Variants in MKX observed in about 807,000 individuals in gnomAD.
MKX encodes homeobox protein Mohawk.
In MKX, 13 loss-of-function variants were observed where a neutral mutation model predicts 36.0. The observed-to-expected ratio is 0.36, with a 90% CI of 0.24 to 0.57. MKX has a LOEUF of 0.57. Ranked by LOEUF, MKX falls within the 20% of genes least tolerant of loss-of-function variation. MKX has a pLI of 0.79. For missense variants in MKX, 458 were observed against 456.4 expected (o/e 1.00, Z -0.03); for synonymous variants, 176 against 178.3 (o/e 0.99, Z 0.10).
In MKX at chr10:27,678,450, A is replaced by G. The variant is rs74899626; in HGVS notation, c.839-2896T>C. Reference sequence around the variant, plus strand: ...GAGGCTTAAATAACGTTAGGGAAATAACAAAACATAATTTAGAGAAGACTA... The same window carrying G: ...GAGGCTTAAATAACGTTAGGGAAATGACAAAACATAATTTAGAGAAGACTA... On this transcript the variant is annotated intron_variant, in intron 5 of 6. Coordinates refer to ENST00000419761, the MANE Select transcript of MKX (RefSeq NM_173576.3). Among the ~76,000 whole-genome samples the G allele has an allele frequency of 8.2e-3, 1,256 of 152,370 alleles. 13 individuals are homozygous for G. The highest frequency in any genetic ancestry group is 0.027 in the Middle Eastern group (8 of 294).
At chr10:27,720,109 A>C (rs898449941) in intron 5 of MKX, among the ~76,000 whole-genome samples, 2 of 152,100 alleles carry the variant, frequency 1.3e-5, no homozygotes, top group African/African-American at 4.8e-5. Flanking sequence ...TGGAGGAGAA[A>C]GATGAGAAAC....
Position 27,741,253 on chromosome 10 carries a change from G to C in MKX, c.348+92C>G, listed in dbSNP as rs1834886459. On this transcript the variant is annotated intron_variant, in intron 3 of 6. Coordinates refer to ENST00000419761, the MANE Select transcript of MKX (RefSeq NM_173576.3). This position sits in a 1 kb window ranked among gnomAD's most constrained non-coding sequence, Gnocchi z 5.1. ...CGGCTCCATCCCTCTCCAGGTAGAA[G>C]CGCCACGTGGAGAGCCACACGAACT... 6.6e-7 allele frequency: 1 copy of C among 1,510,900 alleles called. No homozygotes were observed. The highest frequency in any genetic ancestry group is 9.1e-7 in the Non-Finnish European group (1 of 1,103,864). 93.6% of individuals were successfully genotyped at this position (1,510,900 alleles called of 1,614,324 possible).
At chr10:27,699,263 A>T (rs1836610138) in intron 5 of MKX, among the ~76,000 whole-genome samples, 1 of 152,226 alleles carries the variant, frequency 6.6e-6, no homozygotes, top group Non-Finnish European at 1.5e-5. Flanking sequence ...TTGACATGAA[A>T]TATTTAATAG....
chr10:27,698,427 A>AGGGAGT (rs1463258092), intron 5 of MKX, among the ~76,000 whole-genome samples: 5 of 152,194 alleles, frequency 3.3e-5, no homozygotes, highest in African/African-American at 1.2e-4. Context: ...CTGGGGATTA[A>AGGGAGT]GGGAGTAGCA....
At chr10:27,687,230 A>T (rs1836373610) in intron 5 of MKX, among the ~76,000 whole-genome samples, 1 of 151,896 alleles carries the variant, frequency 6.6e-6, no homozygotes, top group Non-Finnish European at 1.5e-5. Context: ...GGTCTCGAAC[A>T]CATGACCTCG....
intron 5 of MKX, among the ~76,000 whole-genome samples, chr10:27,691,043 G>A (rs1396574202): frequency 6.6e-6 from 1 of 152,148 alleles, no homozygotes; most frequent in African/African-American, 2.4e-5. Context: ...CTTCCGCCAT[G>A]ATTGTACATT....
At chr10:27,678,757 T>C (rs1164411310) in intron 5 of MKX, among the ~76,000 whole-genome samples, 2 of 152,228 alleles carry the variant, frequency 1.3e-5, no homozygotes, top group Non-Finnish European at 2.9e-5. Context: ...TGCAGCCCCA[T>C]GAGCTCCTGG....
intron 5 of MKX, among the ~76,000 whole-genome samples, chr10:27,717,204 C>T (rs1014201811): frequency 6.6e-6 from 1 of 152,112 alleles, no homozygotes; most frequent in African/African-American, 2.4e-5. Context: ...CAGAATGACA[C>T]CTTGATGTCA....
At chr10:27,721,673 G>A (rs1411210105) in intron 5 of MKX, among the ~76,000 whole-genome samples, 1 of 152,136 alleles carries the variant, frequency 6.6e-6, no homozygotes, top group Non-Finnish European at 1.5e-5. Flanking sequence ...GCTAAAGCAT[G>A]TTGGGCTTAA....
chr10:27,708,471 G>A (rs1836795286), intron 5 of MKX, among the ~76,000 whole-genome samples: 1 of 152,106 alleles, frequency 6.6e-6, no homozygotes, highest in African/African-American at 2.4e-5. Flanking sequence ...GTTGCTCATG[G>A]CTGTAATCTC....
chr10:27,703,853 T>C (rs565724988), intron 5 of MKX, among the ~76,000 whole-genome samples: 1 of 152,122 alleles, frequency 6.6e-6, no homozygotes, highest in Admixed American at 6.5e-5. Context: ...TGAGCCCAGA[T>C]TGTACCATTG....
rs1836442455 is a variant in MKX at position 27,690,909 on chromosome 10, C to T, written c.839-15355G>A. Among the ~76,000 whole-genome samples, 6 of 152,072 alleles carry T rather than the reference C, an allele frequency of 3.9e-5. No homozygotes were observed. The South Asian group carries it at 1.2e-3, about 32-fold the overall frequency. On this transcript the variant is annotated intron_variant, in intron 5 of 6. Transcript: ENST00000419761. ...GTGATCAGATCATGGGGTGGTTTCC[C>T]CCATGCTGTTCTCATGATAGTGAGG...
intron 5 of MKX, among the ~76,000 whole-genome samples, chr10:27,705,778 T>C (rs1398373637): frequency 1.3e-5 from 2 of 152,256 alleles, no homozygotes; most frequent in South Asian, 2.1e-4. Flanking sequence ...CTAGTCATCA[T>C]AGTCCAAATC....
rs745553923 is a variant in MKX, at chr10:27,675,255, T to C, written c.1033A>G (p.Lys345Glu). Reference sequence around the variant, plus strand: ...TAAAACTGCTGCACCAGCGGCACTTTGACAGTCTTTACTTCTGCTATATGG... The same window carrying C: ...TAAAACTGCTGCACCAGCGGCACTTCGACAGTCTTTACTTCTGCTATATGG... ...SSHIAEVKTVKVPLVQQF is the reference protein window; with the variant it reads ...SSHIAEVKTVEVPLVQQF Residue 345 changes from lysine to glutamate, a missense_variant, in exon 7 of 7, where the codon AAA becomes GAA. Lys to Glu is a moderately conservative substitution (Grantham distance 56). Coordinates refer to ENST00000419761, the MANE Select transcript of MKX (RefSeq NM_173576.3). 4 of 1,613,876 alleles carry C rather than the reference T, an allele frequency of 2.5e-6. No individual in the cohort carries two copies. Among genetic ancestry groups the C allele is most frequent in the African/African-American group, 1.3e-5 (1 of 74,922 alleles).
intron 5 of MKX, among the ~76,000 whole-genome samples, chr10:27,719,382 C>T (rs1223186913): frequency 6.6e-6 from 1 of 152,088 alleles, no homozygotes; most frequent in African/African-American, 2.4e-5. Context: ...TTATCAGTTA[C>T]GAGACAGCTG....
At chr10:27,687,390 A>G (rs954633423) in intron 5 of MKX, among the ~76,000 whole-genome samples, 2 of 152,256 alleles carry the variant, frequency 1.3e-5, no homozygotes. Flanking sequence ...AGGCTAGGTT[A>G]TAATTCCATT....
chr10:27,680,067 C>T (rs1172353998), intron 5 of MKX, among the ~76,000 whole-genome samples: 1 of 151,954 alleles, frequency 6.6e-6, no homozygotes, highest in East Asian at 1.9e-4. Flanking sequence ...AAGGATTGTG[C>T]ATGTTGTGAA....
At chr10:27,713,220 C>A (rs1056623061) in intron 5 of MKX, among the ~76,000 whole-genome samples, 2 of 152,174 alleles carry the variant, frequency 1.3e-5, no homozygotes, top group African/African-American at 4.8e-5. Flanking sequence ...GTCTGACCTT[C>A]CATAGTGTGC....
At position 27,714,637 on chromosome 10, in the gene MKX, A is replaced by G. The variant is rs1015701076; in HGVS notation, c.838+19819T>C. On this transcript the variant is annotated intron_variant, in intron 5 of 6. Coordinates refer to ENST00000419761, the MANE Select transcript of MKX (RefSeq NM_173576.3). ...TTTAATAGCCGTTACTGCCGACACA[A>G]TGACAGACTCAACCAAAGGAAGCTG... Among the ~76,000 whole-genome samples, 3 of 152,216 alleles carry G rather than the reference A, an allele frequency of 2.0e-5. No individual in the cohort carries two copies. The East Asian group carries it at 5.8e-4, about 29-fold the overall frequency.
Sources: gnomAD v4.1 joint callset for allele counts (sites outside exome capture counted in the v4.1 genomes callset) on GRCh38, gnomAD v4.1.1 for gene constraint, Gnocchi (gnomAD v3.1) non-coding constraint, MANE v1.5 for transcripts, NCBI Gene and HGNC (gene_info 2026-07-23, HGNC 2026-07-21) for gene names.